EYS: variants seen among roughly 807,000 people sequenced by gnomAD.
The protein encoded by EYS is EGF-like photoreceptor maintenance factor.
A neutral mutation model predicts 282.1 loss-of-function variants in EYS; 250 were observed. The observed-to-expected ratio is 0.89, with a 90% CI of 0.80 to 0.98. The LOEUF (loss-of-function observed/expected upper bound fraction) is 0.98, where lower values mean the gene tolerates loss of function less well. Ranked by LOEUF, EYS falls within the 50% of genes least tolerant of loss-of-function variation. EYS has a pLI of 0.00. For synonymous variants in EYS, 1,355 were observed against 1,282.9 expected, an observed-to-expected ratio of 1.06 and a Z score of -1.20; for missense variants, 4,016 against 3,709.0, an observed-to-expected ratio of 1.08 and a Z score of -2.15.
intron 28 of EYS, among the ~76,000 whole-genome samples, chr6:64,393,669 A>C (rs1478016380): frequency 1.3e-5 from 2 of 151,682 alleles, no homozygotes. Context: ...ACCCACAGCC[A>C]ATATCATACT....
chr6:64,231,837 T>C (rs893455200), intron 30 of EYS, among the ~76,000 whole-genome samples: 5 of 152,120 alleles, frequency 3.3e-5, no homozygotes, highest in African/African-American at 9.7e-5. Context: ...CTGGGAAGGT[T>C]TTTAGAATTT....
chr6:64,442,211 A>G (rs1489758864), intron 26 of EYS, among the ~76,000 whole-genome samples: 15 of 152,174 alleles, frequency 9.9e-5, no homozygotes, highest in Non-Finnish European at 2.2e-4. Context: ...GTTTTAGAAA[A>G]GAGACTGGAG....
chr6:64,783,290 A>G (rs1773916235), intron 22 of EYS, among the ~76,000 whole-genome samples: 1 of 151,588 alleles, frequency 6.6e-6, no homozygotes, highest in African/African-American at 2.4e-5. Flanking sequence ...TATCCTATAT[A>G]CATATCCTAT....
At chr6:64,377,249 C>T (rs1772590406) in intron 29 of EYS, among the ~76,000 whole-genome samples, 1 of 151,922 alleles carries the variant, frequency 6.6e-6, no homozygotes, top group African/African-American at 2.4e-5. Flanking sequence ...TCAAAAGGAG[C>T]GTCCATAGAT....
chr6:64,843,896 G>T (rs1044856088), intron 19 of EYS, among the ~76,000 whole-genome samples: 2 of 152,078 alleles, frequency 1.3e-5, no homozygotes, highest in Non-Finnish European at 2.9e-5. Context: ...ATAATTCCAC[G>T]TGTTGTGGGA....
intron 2 of EYS, among the ~76,000 whole-genome samples, chr6:65,631,146 G>C (rs9345660): frequency 6.6e-6 from 1 of 151,962 alleles, no homozygotes; most frequent in Non-Finnish European, 1.5e-5. Flanking sequence ...GTAAAAAAGA[G>C]GATCAACCAA....
chr6:64,277,746 G>T (rs938441934), intron 30 of EYS, among the ~76,000 whole-genome samples: 4 of 152,080 alleles, frequency 2.6e-5, no homozygotes, highest in African/African-American at 9.7e-5. Context: ...CTAAAAATTT[G>T]AATAATCAAG....
Position 64,902,184 on chromosome 6 carries a change from A to T in EYS, c.2775T>A (p.Cys925Ter). The change falls in exon 18 of 43, where the codon TGT (cysteine) becomes TGA (stop). Residue 925 changes from cysteine (C) to a stop codon, truncating the protein, a stop_gained. Transcript: ENST00000503581. LOFTEE classifies it high-confidence loss of function. ...ICRPGFSGSL[C>*]EIEINECSSE... ...AGGAACATTCATTAATTTCAATTTC[A>T]CACAGAGATCCAGAAAACCCAGGTC... The T allele has an allele frequency of 6.4e-7, 1 of 1,550,780 alleles. No individual in the cohort carries two copies. The highest frequency in any genetic ancestry group is 8.7e-7 in the Non-Finnish European group (1 of 1,146,462).
chr6:64,947,423 G>A (rs1170160117), intron 14 of EYS, among the ~76,000 whole-genome samples: 3 of 151,748 alleles, frequency 2.0e-5, no homozygotes, highest in Non-Finnish European at 2.9e-5. Flanking sequence ...TTCCATGCTA[G>A]GTATTAATAA....
intron 1 of EYS, among the ~76,000 whole-genome samples, chr6:65,700,569 TA>T (rs1399942981): frequency 6.6e-6 from 1 of 152,220 alleles, no homozygotes; most frequent in Non-Finnish European, 1.5e-5. Flanking sequence ...TTTAATATTT[TA>T]AATTAAACCT....
intron 22 of EYS, among the ~76,000 whole-genome samples, chr6:64,664,059 G>T (rs921506401): frequency 6.6e-6 from 1 of 152,174 alleles, no homozygotes; most frequent in African/African-American, 2.4e-5. Context: ...GGAAGTAAGC[G>T]GCAGGTCTGC....
chr6:65,536,191 A>C (rs1404175300), intron 2 of EYS, among the ~76,000 whole-genome samples: 1 of 152,096 alleles, frequency 6.6e-6, no homozygotes, highest in African/African-American at 2.4e-5. Flanking sequence ...GCATGGTGAT[A>C]GGAGAGATAC....
At chr6:64,885,167 C>T (rs532220149) in intron 19 of EYS, among the ~76,000 whole-genome samples, 2 of 151,748 alleles carry the variant, frequency 1.3e-5, no homozygotes, top group African/African-American at 4.8e-5. Flanking sequence ...AAAATGAACC[C>T]TATCTATTAA....
chr6:64,948,907 T>C (rs1175687175), intron 14 of EYS, among the ~76,000 whole-genome samples: 1 of 151,852 alleles, frequency 6.6e-6, no homozygotes, highest in Non-Finnish European at 1.5e-5. Flanking sequence ...TATTGAACTC[T>C]GCAGCCAGTG....
chr6:64,242,210 G>A (rs1416072758), intron 30 of EYS, among the ~76,000 whole-genome samples: 1 of 151,990 alleles, frequency 6.6e-6, no homozygotes, highest in African/African-American at 2.4e-5. Flanking sequence ...TTCAAGTCCT[G>A]GATATCCTTG....
chr6:64,402,541 T>C (rs2150437128), intron 28 of EYS, among the ~76,000 whole-genome samples: 1 of 152,330 alleles, frequency 6.6e-6, no homozygotes, highest in Non-Finnish European at 1.5e-5. Flanking sequence ...TGGCACCTCC[T>C]TCTATCACAG....
chr6:64,431,712 A>T (rs1774581394), intron 28 of EYS, among the ~76,000 whole-genome samples: 1 of 152,114 alleles, frequency 6.6e-6, no homozygotes, highest in East Asian at 1.9e-4. Context: ...TGACCTATAC[A>T]ACCTGACTAC....
intron 1 of EYS, among the ~76,000 whole-genome samples, chr6:65,651,662 GA>G (rs1319436597): frequency 6.6e-6 from 1 of 151,926 alleles, no homozygotes; most frequent in Non-Finnish European, 1.5e-5. Context: ...TAGAATCTTG[GA>G]AGTCTTACTT....
chr6:65,114,330 T>C (rs1775305165), intron 12 of EYS, among the ~76,000 whole-genome samples: 1 of 148,086 alleles, frequency 6.8e-6, no homozygotes. Context: ...ATTTTTTTCT[T>C]ATTAAAACTC....
Sources: allele counts gnomAD v4.1 joint callset (sites outside exome capture counted in the v4.1 genomes callset), GRCh38; gene constraint gnomAD v4.1.1; transcripts MANE v1.5; gene names NCBI Gene and HGNC (gene_info 2026-07-23, HGNC 2026-07-21).